Variants in ELMO1 observed in about 807,000 individuals in gnomAD.
ELMO1 encodes engulfment and cell motility protein 1.
Under a neutral mutation model 98.9 loss-of-function variants are expected in ELMO1, and 26 were observed. That is an observed-to-expected ratio of 0.26 (90% CI 0.19 to 0.36). The LOEUF (loss-of-function observed/expected upper bound fraction) is 0.36. ELMO1 is among the 10% of genes least tolerant of loss of function. The pLI is 1.00. For missense variants in ELMO1, 627 were observed against 935.2 expected (o/e 0.67, Z 4.30); for synonymous variants, 346 against 346.0 (o/e 1.00, Z 0.00).
At chr7:37,099,215 T>G (rs1283828617) in intron 14 of ELMO1, among the ~76,000 whole-genome samples, 1 of 152,246 alleles carries the variant, frequency 6.6e-6, no homozygotes, top group Non-Finnish European at 1.5e-5. Flanking sequence ...TTGACTGATT[T>G]CTGTTGTCAA....
intron 16 of ELMO1, among the ~76,000 whole-genome samples, chr7:36,959,105 CCACA>C (rs1425447984): frequency 5.3e-5 from 8 of 152,148 alleles, no homozygotes; most frequent in African/African-American, 1.2e-4. Context: ...GTCTCTCCCA[CCACA>C]CTGCCCATCT....
At chr7:37,120,752 CT>C (rs1785957624) in intron 14 of ELMO1, among the ~76,000 whole-genome samples, 1 of 152,204 alleles carries the variant, frequency 6.6e-6, no homozygotes, top group Admixed American at 6.5e-5. Flanking sequence ...TTAAATGTGC[CT>C]GTCTGACAGC....
chr7:37,374,107 T>G (rs1223618734), intron 1 of ELMO1, among the ~76,000 whole-genome samples: 1 of 152,128 alleles, frequency 6.6e-6, no homozygotes, highest in Non-Finnish European at 1.5e-5. Context: ...TCCCAAGAGC[T>G]CTAGTTTATT....
intron 13 of ELMO1, among the ~76,000 whole-genome samples, chr7:37,157,437 T>A (rs190427884): frequency 2.0e-4 from 30 of 152,212 alleles, no homozygotes; most frequent in African/African-American, 5.8e-4. Flanking sequence ...AGCCCAAAAA[T>A]CTCCTTAAGC....
intron 15 of ELMO1, among the ~76,000 whole-genome samples, chr7:37,049,921 G>A (rs1796011688): frequency 6.6e-6 from 1 of 151,852 alleles, no homozygotes; most frequent in Non-Finnish European, 1.5e-5. Context: ...GGGATTACAG[G>A]CATGCGCCAT....
In ELMO1 at chr7:37,213,353, T is replaced by G. The variant is rs1228838629; in HGVS notation, c.936A>C (p.Lys312Asn). 4.4e-5 allele frequency: 71 copies of G among 1,612,854 alleles called. No homozygotes were observed. Among genetic ancestry groups the G allele is most frequent in the Non-Finnish European group, 6.0e-5 (71 of 1,179,716 alleles). The change falls in exon 12 of 22, where the codon AAA becomes AAC. Residue 312 changes from lysine (K) to asparagine (N), a missense_variant. By Grantham distance (94) the Lys-to-Asn change is moderately conservative. Coordinates refer to ENST00000310758, the MANE Select transcript of ELMO1 (RefSeq NM_014800.11). ...CACTCACCTGGTCCTGGGGGTCCATTTTGGTCATCATCCTGTCTTCCAGGA... is the reference window on the plus strand; with the variant it reads ...CACTCACCTGGTCCTGGGGGTCCATGTTGGTCATCATCCTGTCTTCCAGGA... ...FNLLEDRMMT[K>N]MDPQDQAQRD...
chr7:37,372,581 T>C (rs1802162098), intron 1 of ELMO1, among the ~76,000 whole-genome samples: 2 of 152,234 alleles, frequency 1.3e-5, no homozygotes, highest in Admixed American at 6.5e-5. Context: ...TTTAAAGTTA[T>C]AGCAATTTAA....
intron 7 of ELMO1, among the ~76,000 whole-genome samples, chr7:37,243,880 T>C (rs893278064): frequency 1.3e-5 from 2 of 152,178 alleles, no homozygotes; most frequent in Admixed American, 6.5e-5. Context: ...ACTTCATAGA[T>C]AGGTGATCGA....
intron 2 of ELMO1, among the ~76,000 whole-genome samples, chr7:37,333,464 A>G (rs1800239491): frequency 6.6e-6 from 1 of 152,216 alleles, no homozygotes; most frequent in Non-Finnish European, 1.5e-5. Context: ...GCACCCACCT[A>G]CAGAGCAAAC....
At chr7:37,204,029 C>A in intron 13 of ELMO1, 1 of 448,850 alleles carries the variant, frequency 2.2e-6, no homozygotes, top group Non-Finnish European at 4.5e-6. Context: ...AACTGGCCAA[C>A]AGGTGCCCAG....
intron 4 of ELMO1, among the ~76,000 whole-genome samples, chr7:37,281,433 C>T (rs1280957238): frequency 6.6e-6 from 1 of 152,144 alleles, no homozygotes; most frequent in Non-Finnish European, 1.5e-5. Flanking sequence ...CCCCCACAAA[C>T]AGGGAAAGGG....
chr7:37,398,692 T>A (rs1432162301), intron 1 of ELMO1, among the ~76,000 whole-genome samples: 2 of 152,116 alleles, frequency 1.3e-5, no homozygotes, highest in African/African-American at 4.8e-5. Flanking sequence ...CATCCTAAGT[T>A]TTCTGCTGCA....
chr7:37,296,349 C>A (rs1332611861), intron 4 of ELMO1, among the ~76,000 whole-genome samples: 2 of 152,168 alleles, frequency 1.3e-5, no homozygotes, highest in African/African-American at 4.8e-5. Flanking sequence ...CTGTAGCCCT[C>A]TCCACAACAT....
intron 13 of ELMO1, among the ~76,000 whole-genome samples, chr7:37,193,008 T>TACAC (rs10592735): frequency 1.9e-4 from 24 of 125,100 alleles, no homozygotes; most frequent in African/African-American, 5.2e-4. Flanking sequence ...TATATATATA[T>TACAC]ACACACACAC....
chr7:36,966,552 A>C (rs1258373785), intron 16 of ELMO1, among the ~76,000 whole-genome samples: 1 of 152,214 alleles, frequency 6.6e-6, no homozygotes, highest in Non-Finnish European at 1.5e-5. Flanking sequence ...TCAATCAATA[A>C]TTCTGACAAA....
chr7:37,213,304 G>A lies in ELMO1; in HGVS notation c.954+31C>T, dbSNP rs542039949. ...TTTAATGACACTTTCTGTCCTTCCTGTGCTTTGACTGCTGTCCAATGAGCA... is the reference window on the plus strand; with the variant it reads ...TTTAATGACACTTTCTGTCCTTCCTATGCTTTGACTGCTGTCCAATGAGCA... On this transcript the variant is annotated intron_variant, in intron 12 of 21. Transcript: ENST00000310758. The A allele has an allele frequency of 5.6e-6, 9 of 1,606,204 alleles. No homozygotes were observed. In the African/African-American group the frequency reaches 9.4e-5, roughly 17 times the overall value.
intron 18 of ELMO1, among the ~76,000 whole-genome samples, chr7:36,885,939 A>G (rs1428439377): frequency 6.6e-6 from 1 of 152,202 alleles, no homozygotes; most frequent in African/African-American, 2.4e-5. Flanking sequence ...CTTGGGAGAC[A>G]GGCATTGCTA....
intron 15 of ELMO1, among the ~76,000 whole-genome samples, chr7:37,090,999 C>T (rs1180612699): frequency 6.6e-6 from 1 of 152,164 alleles, no homozygotes; most frequent in Non-Finnish European, 1.5e-5. Context: ...CTGTACCTGA[C>T]ATCGGAATAT....
intron 16 of ELMO1, among the ~76,000 whole-genome samples, chr7:36,932,108 C>T (rs1004088209): frequency 3.3e-5 from 5 of 151,818 alleles, no homozygotes; most frequent in African/African-American, 1.2e-4. Flanking sequence ...ATGCACAGAA[C>T]ACTTAGTATA....
Sources: gnomAD v4.1 joint callset for allele counts (sites outside exome capture counted in the v4.1 genomes callset) on GRCh38, gnomAD v4.1.1 for gene constraint, MANE v1.5 for transcripts, NCBI Gene and HGNC (gene_info 2026-07-23, HGNC 2026-07-21) for gene names.